Variants in ABAT observed in about 807,000 individuals in gnomAD.
The protein encoded by ABAT is 4-aminobutyrate aminotransferase.
Under a neutral mutation model 64.6 loss-of-function variants are expected in ABAT, and 45 were observed. The ratio of observed to expected loss-of-function variants is 0.70; its 90% CI spans 0.55 to 0.89. ABAT has a LOEUF of 0.89. ABAT is among the 40% of genes least tolerant of loss of function. ABAT has a pLI of 0.00. For missense variants in ABAT, 633 were observed against 658.4 expected, an observed-to-expected ratio of 0.96 and a Z score of 0.42; for synonymous variants, 297 against 250.5, an observed-to-expected ratio of 1.19 and a Z score of -1.75.
chr16:8,746,099 G>A lies in ABAT; in HGVS notation c.168+1G>A, dbSNP rs1567300736. 1 of 1,611,660 alleles carries A rather than the reference G, an allele frequency of 6.2e-7. No individual in the cohort carries two copies. Among genetic ancestry groups the A allele is most frequent in the Non-Finnish European group, 8.5e-7 (1 of 1,178,646 alleles). ...GGAAGTCCCAGGGCCTAGATCTCAGGTGAGTTGAGCACACCTGAGTGGGGT... is the reference window on the plus strand; with the variant it reads ...GGAAGTCCCAGGGCCTAGATCTCAGATGAGTTGAGCACACCTGAGTGGGGT... On this transcript the variant is annotated splice_donor_variant, in intron 3 of 15. Transcript: ENST00000268251. LOFTEE classifies it high-confidence loss of function.
At chr16:8,682,791 T>A (rs2057366097) in intron 1 of ABAT, among the ~76,000 whole-genome samples, 1 of 152,216 alleles carries the variant, frequency 6.6e-6, no homozygotes. Context: ...ACTGAAAGTG[T>A]GGTCCAGCGG....
At chr16:8,772,729 A>C in intron 11 of ABAT, 51 bp from the exon 12 acceptor site, 2 of 1,612,972 alleles carry the variant, frequency 1.2e-6, no homozygotes, top group Non-Finnish European at 8.5e-7. Flanking sequence ...ACCCACGGAT[A>C]CTGGTCACAA....
chr16:8,733,041 C>A (rs2058789651), intron 1 of ABAT, among the ~76,000 whole-genome samples: 1 of 145,410 alleles, frequency 6.9e-6, no homozygotes, highest in Non-Finnish European at 1.5e-5. Context: ...CCCCCCACCT[C>A]CCTCCCGGAT....
At chr16:8,775,997 C>T (rs1388800085) in intron 13 of ABAT, among the ~76,000 whole-genome samples, 1 of 152,206 alleles carries the variant, frequency 6.6e-6, no homozygotes, top group African/African-American at 2.4e-5. Flanking sequence ...AGAACCTCAG[C>T]TTCCTCCTGT....
At chr16:8,737,889 C>G (rs544039268) in intron 2 of ABAT, among the ~76,000 whole-genome samples, 172 of 129,906 alleles carry the variant, frequency 1.3e-3, no homozygotes, top group African/African-American at 4.8e-3. Context: ...GATTGAGCCA[C>G]TGTACTTCAG....
At chr16:8,729,466 G>A (rs2058655843) in intron 1 of ABAT, among the ~76,000 whole-genome samples, 3 of 152,222 alleles carry the variant, frequency 2.0e-5, no homozygotes, top group African/African-American at 7.2e-5. Flanking sequence ...TCTGAACAGG[G>A]AGATTACCCT....
intron 1 of ABAT, among the ~76,000 whole-genome samples, chr16:8,692,778 T>C (rs1335327187): frequency 1.3e-5 from 2 of 152,230 alleles, no homozygotes; most frequent in African/African-American, 4.8e-5. Flanking sequence ...TTCGGCTACC[T>C]GGCTGACTGA....
At chr16:8,725,564 G>A (rs965429251) in intron 1 of ABAT, among the ~76,000 whole-genome samples, 1 of 152,168 alleles carries the variant, frequency 6.6e-6, no homozygotes, top group Non-Finnish European at 1.5e-5. Flanking sequence ...TCCTTTTTAT[G>A]ACTGAATAAT....
chr16:8,696,210 C>T (rs754338003), intron 1 of ABAT, among the ~76,000 whole-genome samples: 1 of 152,138 alleles, frequency 6.6e-6, no homozygotes, highest in Non-Finnish European at 1.5e-5. Flanking sequence ...CTGTTGCACT[C>T]CATTCTGTCC....
chr16:8,721,729 C>T (rs1215331303), intron 1 of ABAT, among the ~76,000 whole-genome samples: 1 of 152,242 alleles, frequency 6.6e-6, no homozygotes, highest in African/African-American at 2.4e-5. Flanking sequence ...TTTGTTTCCA[C>T]TTTCACCTGA....
At chr16:8,740,088 C>T (rs2059120242) in intron 2 of ABAT, among the ~76,000 whole-genome samples, 1 of 152,042 alleles carries the variant, frequency 6.6e-6, no homozygotes, top group Non-Finnish European at 1.5e-5. Context: ...CTCACCTCCA[C>T]TCCTTAAGGT....
At chr16:8,759,879 G>A (rs1441028936) in intron 6 of ABAT, among the ~76,000 whole-genome samples, 1 of 152,146 alleles carries the variant, frequency 6.6e-6, no homozygotes, top group Non-Finnish European at 1.5e-5. Context: ...TGTAAATGGA[G>A]TTTTGCAGTG....
At chr16:8,691,679 G>C (rs566709185) in intron 1 of ABAT, among the ~76,000 whole-genome samples, 17 of 145,606 alleles carry the variant, frequency 1.2e-4, no homozygotes, top group Admixed American at 6.3e-4. Context: ...GATCTCAGGC[G>C]ATCCTCTGCC....
At position 8,764,195 on chromosome 16, in the gene ABAT, G is replaced by T; in HGVS notation, c.447+46G>T. ...CCCATTGTCTTCAGACGTGGTACTGGCAGGGGAAGGGAAAAGTGGAGACGC... is the reference window on the plus strand; with the variant it reads ...CCCATTGTCTTCAGACGTGGTACTGTCAGGGGAAGGGAAAAGTGGAGACGC... On this transcript the variant is annotated intron_variant, in intron 7 of 15. Transcript: ENST00000268251. This position sits in a 1 kb window ranked among gnomAD's most constrained non-coding sequence, Gnocchi z 4.2. The T allele has an allele frequency of 6.6e-7, 1 of 1,520,740 alleles. No homozygotes were observed. The highest frequency in any genetic ancestry group is 9.1e-7 in the Non-Finnish European group (1 of 1,097,486). 94.2% of individuals were successfully genotyped at this position (1,520,740 alleles called of 1,614,324 possible).
In ABAT at chr16:8,753,972, A is replaced by G. The variant is rs142909505; in HGVS notation, c.316+3433A>G. On this transcript the variant is annotated intron_variant, in intron 5 of 15. Transcript: ENST00000268251. Reference sequence around the variant, plus strand: ...GTGGAGGAGTGCGCGGCCCAGGCTCAGAGGCTTGGGCAGGCAACAGAAAGA... The same window carrying G: ...GTGGAGGAGTGCGCGGCCCAGGCTCGGAGGCTTGGGCAGGCAACAGAAAGA... Among the ~76,000 whole-genome samples, 569 of 152,218 alleles carry G rather than the reference A, an allele frequency of 3.7e-3. 4 individuals carry two copies. The highest frequency in any genetic ancestry group is 0.013 in the African/African-American group (544 of 41,526).
chr16:8,732,563 C>T (rs2058761349), intron 1 of ABAT, among the ~76,000 whole-genome samples: 1 of 151,674 alleles, frequency 6.6e-6, no homozygotes. Context: ...AACAGGATCC[C>T]AAGGCAGAAG....
At chr16:8,702,479 C>T (rs2057846083) in intron 1 of ABAT, among the ~76,000 whole-genome samples, 1 of 152,114 alleles carries the variant, frequency 6.6e-6, no homozygotes, top group Non-Finnish European at 1.5e-5. Flanking sequence ...TCTCGAACTC[C>T]TGACCTCAAG....
At chr16:8,770,347 C>T (rs2060070205) in intron 11 of ABAT, among the ~76,000 whole-genome samples, 1 of 152,282 alleles carries the variant, frequency 6.6e-6, no homozygotes, top group East Asian at 1.9e-4. Flanking sequence ...CCGTGTTAGC[C>T]AGGATGGTCT....
At chr16:8,711,640 C>CCGTG (rs1488289638) in intron 1 of ABAT, among the ~76,000 whole-genome samples, 3 of 147,028 alleles carry the variant, frequency 2.0e-5, no homozygotes, top group Non-Finnish European at 4.5e-5. Context: ...TTTGTGGAAA[C>CCGTG]CGTGAGTGTC....
Sources: allele counts gnomAD v4.1 joint callset (sites outside exome capture counted in the v4.1 genomes callset), GRCh38; gene constraint gnomAD v4.1.1; non-coding constraint Gnocchi (gnomAD v3.1); transcripts MANE v1.5; gene names NCBI Gene and HGNC (gene_info 2026-07-23, HGNC 2026-07-21).